Variants in ANK3 observed in about 807,000 individuals in gnomAD.
The protein encoded by ANK3 is ankyrin 3, also known as ankyrin-3.
A neutral mutation model predicts 370.9 loss-of-function variants in ANK3; 57 were observed. The observed-to-expected ratio is 0.15, with a 90% CI of 0.12 to 0.19. ANK3 has a LOEUF of 0.19. ANK3 is among the 10% of genes least tolerant of loss of function. The pLI, the probability that ANK3 is intolerant of heterozygous loss-of-function variation, is 1.00. For missense variants in ANK3, 4,439 were observed against 5,302.1 expected, an observed-to-expected ratio of 0.84 and a Z score of 5.06; for synonymous variants, 1,929 against 1,946.3, an observed-to-expected ratio of 0.99 and a Z score of 0.23.
intron 13 of ANK3, among the ~76,000 whole-genome samples, chr10:60,198,836 C>T (rs1177626618): frequency 6.6e-6 from 1 of 152,090 alleles, no homozygotes; most frequent in Admixed American, 6.5e-5. Flanking sequence ...TTTAATTGCT[C>T]CTTCTTTGGG....
intron 1 of ANK3, among the ~76,000 whole-genome samples, chr10:60,701,294 T>C (rs962357216): frequency 6.6e-6 from 1 of 151,866 alleles, no homozygotes; most frequent in African/African-American, 2.4e-5. Context: ...GTCGAGAATA[T>C]AAAACAGTAC....
chr10:60,535,345 C>T (rs890575729), intron 2 of ANK3, among the ~76,000 whole-genome samples: 26 of 152,054 alleles, frequency 1.7e-4, no homozygotes, highest in African/African-American at 6.3e-4. Flanking sequence ...AAAATACGTT[C>T]ACTCAAAATT....
At chr10:60,628,009 C>T (rs566682318) in intron 1 of ANK3, among the ~76,000 whole-genome samples, 12 of 152,242 alleles carry the variant, frequency 7.9e-5, no homozygotes, top group African/African-American at 2.2e-4. Flanking sequence ...CACTCTGTTG[C>T]CTACTGCTCA....
chr10:60,311,214 T>G (rs2046275353), intron 1 of ANK3, among the ~76,000 whole-genome samples: 1 of 152,072 alleles, frequency 6.6e-6, no homozygotes, highest in South Asian at 2.1e-4. Flanking sequence ...CAAAATAACA[T>G]GCAATGAAAC....
intron 1 of ANK3, among the ~76,000 whole-genome samples, chr10:60,732,080 A>C (rs1020554304): frequency 6.6e-6 from 1 of 152,146 alleles, no homozygotes; most frequent in Non-Finnish European, 1.5e-5. Context: ...ATAACTTAAA[A>C]CTAGGTGAAC....
intron 1 of ANK3, among the ~76,000 whole-genome samples, chr10:60,306,428 C>CATATATATATATAT (rs753175801): frequency 3.2e-4 from 36 of 111,996 alleles, no homozygotes; most frequent in African/African-American, 1.3e-3. Flanking sequence ...GGTGTATGTG[C>CATATATATATATAT]ATATATATAT....
chr10:60,054,411 A>C (rs1397421431), intron 42 of ANK3, among the ~76,000 whole-genome samples: 1 of 152,198 alleles, frequency 6.6e-6, no homozygotes, highest in Non-Finnish European at 1.5e-5. Flanking sequence ...AACCATTAAT[A>C]AAAATTTAGT....
intron 7 of ANK3, among the ~76,000 whole-genome samples, chr10:60,241,858 G>A (rs538515128): frequency 1.1e-4 from 16 of 152,078 alleles, no homozygotes; most frequent in African/African-American, 2.9e-4. Flanking sequence ...AAAGGGAATC[G>A]GCTATACATA....
intron 27 of ANK3, among the ~76,000 whole-genome samples, chr10:60,106,823 T>C (rs2092237692): frequency 6.6e-6 from 1 of 152,152 alleles, no homozygotes; most frequent in Non-Finnish European, 1.5e-5. Flanking sequence ...AATTTTAAAA[T>C]AGGATAAATA....
chr10:60,413,429 A>G (rs1407955561), intron 2 of ANK3, among the ~76,000 whole-genome samples: 1 of 152,234 alleles, frequency 6.6e-6, no homozygotes, highest in Non-Finnish European at 1.5e-5. Context: ...TTTTTATTAT[A>G]CTGACAATCT....
chr10:60,654,916 T>C (rs184419289), intron 1 of ANK3, among the ~76,000 whole-genome samples: 12 of 152,158 alleles, frequency 7.9e-5, no homozygotes, highest in Admixed American at 2.0e-4. Context: ...ACAAACCACA[T>C]ATATGATGAT....
At chr10:60,725,607 C>G (rs2079930350) in intron 1 of ANK3, among the ~76,000 whole-genome samples, 1 of 152,146 alleles carries the variant, frequency 6.6e-6, no homozygotes, top group African/African-American at 2.4e-5. Flanking sequence ...ACCTCAGAAC[C>G]TTGCTTTTCT....
intron 23 of ANK3, chr10:60,140,609 T>C (rs2094519189): frequency 7.1e-7 from 1 of 1,402,842 alleles, no homozygotes. Context: ...AAAAAATCTT[T>C]TTAAAAAACC....
chr10:60,051,894 T>TTCCTTTTAAAACTAGTTTA (rs1453094464), intron 42 of ANK3, among the ~76,000 whole-genome samples: 70 of 152,190 alleles, frequency 4.6e-4, no homozygotes, highest in African/African-American at 1.6e-3. Flanking sequence ...ATCATTCATA[T>TTCCTTTTAAAACTAGTTTA]TCCTTTTAAA....
intron 2 of ANK3, among the ~76,000 whole-genome samples, chr10:60,412,724 T>C (rs568515668): frequency 6.6e-6 from 1 of 152,346 alleles, no homozygotes; most frequent in African/African-American, 2.4e-5. Flanking sequence ...TTCACTATGG[T>C]AGCCCCATTG....
At chr10:60,098,625 C>A (rs1400797590) in intron 28 of ANK3, among the ~76,000 whole-genome samples, 1 of 152,180 alleles carries the variant, frequency 6.6e-6, no homozygotes, top group East Asian at 1.9e-4. Flanking sequence ...CTTGATCCTT[C>A]TTCCTTGAAG....
chr10:60,358,140 A>C (rs1158620555), intron 1 of ANK3, among the ~76,000 whole-genome samples: 5 of 146,226 alleles, frequency 3.4e-5, no homozygotes, highest in African/African-American at 7.6e-5. Context: ...ACACACACAC[A>C]CACCCAAAAC....
chr10:60,464,919 T>A (rs2133064792), intron 2 of ANK3, among the ~76,000 whole-genome samples: 1 of 152,256 alleles, frequency 6.6e-6, no homozygotes, highest in African/African-American at 2.4e-5. Flanking sequence ...CCAAAGCAAA[T>A]GTTTCAGGAC....
chr10:60,202,534 C>T (rs956606487), intron 12 of ANK3, among the ~76,000 whole-genome samples: 3 of 152,158 alleles, frequency 2.0e-5, no homozygotes, highest in Non-Finnish European at 4.4e-5. Flanking sequence ...GTGTATCTTG[C>T]CTTTGAAGTA....
Sources: allele counts gnomAD v4.1 joint callset (sites outside exome capture counted in the v4.1 genomes callset), GRCh38; gene constraint gnomAD v4.1.1; transcripts MANE v1.5; gene names NCBI Gene and HGNC (gene_info 2026-07-23, HGNC 2026-07-21).